Variants in CHRDL2 observed in about 807,000 individuals in gnomAD.
The protein encoded by CHRDL2 is chordin-like protein 2.
A neutral mutation model predicts 54.3 loss-of-function variants in CHRDL2; 41 were observed. The ratio of observed to expected loss-of-function variants is 0.76; its 90% CI spans 0.59 to 0.98. The LOEUF (loss-of-function observed/expected upper bound fraction) is 0.98, where lower values mean the gene tolerates loss of function less well. Ranked by LOEUF, CHRDL2 falls within the 50% of genes least tolerant of loss-of-function variation. The pLI, the probability that CHRDL2 is intolerant of heterozygous loss-of-function variation, is 0.00. For synonymous variants in CHRDL2, 220 were observed against 224.3 expected, an observed-to-expected ratio of 0.98 and a Z score of 0.17; for missense variants, 518 against 562.4, an observed-to-expected ratio of 0.92 and a Z score of 0.80.
In CHRDL2 at chr11:74,712,225, T is replaced by C. The variant is rs77801866; in HGVS notation, c.289+1161A>G. 6.0e-3 allele frequency among the ~76,000 whole-genome samples: 912 copies of C among 151,824 alleles called. 9 individuals are homozygous for C. The highest frequency in any genetic ancestry group is 0.021 in the African/African-American group (875 of 41,370). On this transcript the variant is annotated intron_variant, in intron 3 of 10. Coordinates refer to ENST00000376332, the MANE Select transcript of CHRDL2 (RefSeq NM_001278473.3). ...GCTAGGGTGGATGGAAGCACAGAAG[T>C]TGTGACAGCAGAGAGGAGGAGCCTC... is the stretch of plus-strand genomic sequence containing the variant.
At chr11:74,712,087 G>C (rs1375025892) in intron 3 of CHRDL2, among the ~76,000 whole-genome samples, 1 of 152,082 alleles carries the variant, frequency 6.6e-6, no homozygotes, top group Non-Finnish European at 1.5e-5. Flanking sequence ...TGGGATTACA[G>C]ATACAAGCCA....
Position 74,697,251 on chromosome 11 carries a change from G to C in CHRDL2, c.1167C>G (p.Phe389Leu), listed in dbSNP as rs957302490. Residue 389 changes from phenylalanine to leucine, a missense_variant, in exon 10 of 11, where the codon TTC becomes TTG. Phe to Leu is a conservative substitution (Grantham distance 22). Coordinates refer to ENST00000376332, the MANE Select transcript of CHRDL2 (RefSeq NM_001278473.3). ...GTCGGAAGTGCTGTGCCTCTTTCTG[G>C]AAGTCTTGCTTCCTGACTTTCTTGA... ...TQIKKVRKQD[F>L]QKEAQHFRLL... is the part of the protein sequence containing the mutation. The C allele has an allele frequency of 2.5e-6, 4 of 1,614,042 alleles. No individual in the cohort carries two copies. The highest frequency in any genetic ancestry group is 3.4e-6 in the Non-Finnish European group (4 of 1,180,026).
At chr11:74,719,548 C>T (rs955161028) in intron 1 of CHRDL2, among the ~76,000 whole-genome samples, 9 of 152,190 alleles carry the variant, frequency 5.9e-5, no homozygotes. Context: ...GCTCTGGGAG[C>T]TTTCTTGCTT....
Position 74,702,835 on chromosome 11 carries a change from G to A in CHRDL2, c.1079C>T (p.Ala360Val). The A allele has an allele frequency of 4.3e-6, 7 of 1,614,100 alleles. No homozygotes were observed. The Admixed American group carries it at 5.0e-5, about 12-fold the overall frequency. The change falls in exon 9 of 11, where the codon GCC (alanine) becomes GTC (valine). Residue 360 changes from alanine (A) to valine (V), a missense_variant. Ala to Val is a moderately conservative substitution (Grantham distance 64, BLOSUM62 0). Coordinates refer to ENST00000376332, the MANE Select transcript of CHRDL2 (RefSeq NM_001278473.3). ...NLRRFALEHEASDLVEIYLWK... is the reference protein window; with the variant it reads ...NLRRFALEHEVSDLVEIYLWK... ...GAGGTAGATCTCCACCAAGTCCGAG[G>A]CCTCGTGTTCCAGGGCAAAGCGACG...
chr11:74,707,460 G>T (rs529535626), intron 5 of CHRDL2, among the ~76,000 whole-genome samples: 12 of 152,168 alleles, frequency 7.9e-5, no homozygotes, highest in Admixed American at 5.9e-4. Flanking sequence ...CGCTTAGCCT[G>T]CCCTTTGCTA....
intron 9 of CHRDL2, among the ~76,000 whole-genome samples, chr11:74,700,643 A>ATTT (rs10661880): frequency 0.038 from 5,122 of 135,816 alleles, 131 homozygotes; most frequent in African/African-American, 0.067. Context: ...TATTATTATT[A>ATTT]TTTTTTTTTT....
chr11:74,697,649 G>C, intron 9 of CHRDL2: 1 of 463,304 alleles, frequency 2.2e-6, no homozygotes, highest in Non-Finnish European at 4.3e-6. Context: ...AGTGAAGCCT[G>C]TTTTCTTCTG....
intron 7 of CHRDL2, among the ~76,000 whole-genome samples, 156 bp from the exon 8 acceptor site, chr11:74,703,655 C>T (rs1045439959): frequency 8.5e-5 from 13 of 152,230 alleles, no homozygotes; most frequent in African/African-American, 2.9e-4. Flanking sequence ...GGTATAAAAC[C>T]TGTCCCCTCT....
intron 10 of CHRDL2, 47 bp downstream of exon 10, chr11:74,697,158 C>T (rs778728887): frequency 4.0e-6 from 6 of 1,497,296 alleles, no homozygotes; most frequent in African/African-American, 1.4e-5. Flanking sequence ...GGCCCGTGTC[C>T]TTGCCTTCTT....
chr11:74,700,646 T>TTATTA (rs1283260897), intron 9 of CHRDL2, among the ~76,000 whole-genome samples: 2,401 of 103,922 alleles, frequency 0.023, 36 homozygotes, highest in Non-Finnish European at 0.042. Context: ...TATTATTATT[T>TTATTA]TTTTTTTTTT....
chr11:74,698,719 A>ACCC (rs1225255395), intron 9 of CHRDL2: 1 of 86,284 alleles, frequency 1.2e-5, no homozygotes, highest in Admixed American at 1.1e-4. Context: ...ACACACACAC[A>ACCC]CACCCCACAT....
chr11:74,717,423 A>T (rs1366310317), intron 2 of CHRDL2, among the ~76,000 whole-genome samples: 2 of 152,152 alleles, frequency 1.3e-5, no homozygotes, highest in Non-Finnish European at 2.9e-5. Flanking sequence ...TTCTGTTATG[A>T]TTTCCTTTCT....
intron 9 of CHRDL2, chr11:74,699,805 A>C (rs1010550797): frequency 2.6e-5 from 4 of 152,216 alleles, no homozygotes; most frequent in Admixed American, 2.6e-4. Context: ...CTGACAATCA[A>C]CCCTGGGTAG....
chr11:74,721,582 C>T (rs549158131), intron 1 of CHRDL2, among the ~76,000 whole-genome samples: 1 of 152,362 alleles, frequency 6.6e-6, no homozygotes, highest in East Asian at 1.9e-4. Context: ...CTCTCTTCCT[C>T]AAGTGAGATG....
Position 74,722,971 on chromosome 11 carries a change from G to A in CHRDL2, c.83-4139C>T, listed in dbSNP as rs1204626257. Reference sequence around the variant, plus strand: ...AAAGCCATGGAAAAGCTTTAAACTGGGGAGTTCCATGATCAGATTTGCATT... The same window carrying A: ...AAAGCCATGGAAAAGCTTTAAACTGAGGAGTTCCATGATCAGATTTGCATT... On this transcript the variant is annotated intron_variant, in intron 1 of 10. Transcript: ENST00000376332. Among the ~76,000 whole-genome samples, 83 of 152,100 alleles carry A rather than the reference G, an allele frequency of 5.5e-4. 2 individuals carry two copies. The highest frequency in any genetic ancestry group is 5.4e-3 in the Admixed American group (82 of 15,268).
At chr11:74,730,544 A>C (rs530271256) in intron 1 of CHRDL2, among the ~76,000 whole-genome samples, 2 of 152,174 alleles carry the variant, frequency 1.3e-5, no homozygotes, top group South Asian at 4.2e-4. Flanking sequence ...CCCCCAACCC[A>C]AAACACAGTG....
chr11:74,729,381 G>A (rs1194825397), intron 1 of CHRDL2, among the ~76,000 whole-genome samples: 4 of 152,246 alleles, frequency 2.6e-5, no homozygotes, highest in African/African-American at 4.8e-5. Flanking sequence ...AACCCTGCAA[G>A]TTCTGGATTA....
rs780065015 is a variant in CHRDL2, at chr11:74,704,555, G to A, written c.682C>T (p.Arg228Cys). 12 of 1,581,904 alleles carry A rather than the reference G, an allele frequency of 7.6e-6. No individual in the cohort carries two copies. The highest frequency in any genetic ancestry group is 1.2e-5 in the South Asian group (1 of 85,162). The stretch of plus-strand genomic sequence containing the variant: ...CCTGCTCCCTTGGGTCTGAAGTGGC[G>A]AGGGATGAAGCTCAGAGGGGCGCTG... ...GLSAPLSFIP[R>C]HFRPKGAGST... Residue 228 changes from arginine to cysteine, a missense_variant, in exon 7 of 11, where the codon CGC (arginine) becomes TGC (cysteine). Transcript: ENST00000376332.
At chr11:74,702,505 C>T (rs563489274) in intron 9 of CHRDL2, among the ~76,000 whole-genome samples, 1 of 152,334 alleles carries the variant, frequency 6.6e-6, no homozygotes, top group South Asian at 2.1e-4. Context: ...TGCCATTAGA[C>T]ATCTGTCTAT....
Sources: allele counts gnomAD v4.1 joint callset (sites outside exome capture counted in the v4.1 genomes callset), GRCh38; gene constraint gnomAD v4.1.1; transcripts MANE v1.5; gene names NCBI Gene and HGNC (gene_info 2026-07-23, HGNC 2026-07-21).